Variants in SPC24 observed in about 807,000 individuals in gnomAD.
SPC24 encodes SPC24 component of NDC80 kinetochore complex, also known as kinetochore protein Spc24.
In SPC24, 31 loss-of-function variants were observed where a neutral mutation model predicts 27.6. The observed-to-expected ratio is 1.12, with a 90% CI of 0.84 to 1.52. The LOEUF (loss-of-function observed/expected upper bound fraction) is 1.52, where lower values mean the gene tolerates loss of function less well. SPC24 is among the 40% of genes most tolerant of loss of function. The probability of loss-of-function intolerance (pLI) is 0.00; values close to 1 mark genes in which losing one functional copy is unlikely to be tolerated. For missense variants in SPC24, 284 were observed against 252.5 expected (o/e 1.12, Z -0.84); for synonymous variants, 105 against 105.8 (o/e 0.99, Z 0.05).
chr19:11,147,367 C>CTT (rs112632133), intron 4 of SPC24, 78 bp from the exon 5 acceptor site: 390 of 795,160 alleles, frequency 4.9e-4, no homozygotes, highest in African/African-American at 1.5e-3. Context: ...ACTGCCTTTA[C>CTT]TTTTTTTTTT....
At position 11,147,908 on chromosome 19, in the gene SPC24, CAAAAAAAAAAAAAA is replaced by C. The variant is rs58845884; in HGVS notation, c.411-28_411-15del. 6 of 1,110,320 alleles carry C rather than the reference CAAAAAAAAAAAAAA, an allele frequency of 5.4e-6. No homozygotes were observed. The Admixed American group carries it at 1.9e-4, about 36-fold the overall frequency. 68.8% of individuals were successfully genotyped at this position (1,110,320 alleles called of 1,614,324 possible). Reference sequence around the variant, plus strand: ...TGAGCCACGTACCTGTACAGGAAGACAAAAAAAAAAAAAAAAAAAAAAGAAAGTTACCCAGCACC... The same window carrying C: ...TGAGCCACGTACCTGTACAGGAAGACAAAAAAAAGAAAGTTACCCAGCACC... On this transcript the variant is annotated splice_polypyrimidine_tract_variant and intron_variant, in intron 3 of 4. Coordinates refer to ENST00000592540, the MANE Select transcript of SPC24 (RefSeq NM_182513.4).
At position 11,147,104 on chromosome 19, in the gene SPC24, T is replaced by C. The variant is rs10422949; in HGVS notation, c.*79A>G. On this transcript the variant is annotated 3_prime_UTR_variant, in exon 5 of 5. Coordinates refer to ENST00000592540, the MANE Select transcript of SPC24 (RefSeq NM_182513.4). ...TCAAAAAAAAAAAAAAAAAGATCTA[T>C]GTCCCCACATTTCATTTGAAATGGA... The C allele has an allele frequency of 0.1, 71,586 of 701,626 alleles. 5,221 individuals are homozygous for C. The highest frequency in any genetic ancestry group is 0.27 in the African/African-American group (14,047 of 52,990). The allele number at this position is 701,626 out of a possible 1,614,324, so 43.5% of individuals were successfully genotyped here. A position where few individuals can be genotyped will look rare whatever the true frequency, so the allele number is the denominator to read the frequency against.
intron 1 of SPC24, among the ~76,000 whole-genome samples, chr19:11,154,919 C>T (rs531912977): frequency 6.6e-6 from 1 of 152,314 alleles, no homozygotes; most frequent in Non-Finnish European, 1.5e-5. Context: ...GACACAGTGG[C>T]TCACGTCTGC....
rs1293407794 is a variant in SPC24, at chr19:11,148,171, A to AT, written c.306-55_306-54insA. 3.2e-6 allele frequency: 4 copies of AT among 1,252,278 alleles called. No individual in the cohort carries two copies. In the African/African-American group the frequency reaches 5.9e-5, roughly 19 times the overall value. The allele number at this position is 1,252,278 out of a possible 1,614,324, so 77.6% of individuals were successfully genotyped here. ...TTCGAGAGAGGGCTGCCCCTGCGCT[A>AT]ACTGCAGCTGGGAGGCCCAGGGTCT... On this transcript the variant is annotated intron_variant, in intron 2 of 4. Transcript: ENST00000592540.
At chr19:11,149,261 C>A (rs1228962251) in intron 1 of SPC24, 23 bp from the exon 2 acceptor site, 1 of 1,495,432 alleles carries the variant, frequency 6.7e-7, no homozygotes, top group Non-Finnish European at 8.9e-7. Context: ...GAGAAGCAGG[C>A]TCCCTAGGGT....
At position 11,149,188 on chromosome 19, in the gene SPC24, C is replaced by T; in HGVS notation, c.211G>A (p.Glu71Lys). ...TCCACGCCTCCCTGGTGCACCTGCTCCTTCGCATTGAGAAGGCTCTGGGCC... is the reference window on the plus strand; with the variant it reads ...TCCACGCCTCCCTGGTGCACCTGCTTCTTCGCATTGAGAAGGCTCTGGGCC... ...EVAQSLLNAK[E>K]QVHQGGVELQ... Residue 71 changes from glutamate to lysine, a missense_variant, in exon 2 of 5, where the codon GAG becomes AAG. Glu to Lys is a moderately conservative substitution (Grantham distance 56, BLOSUM62 1). Transcript: ENST00000592540. 6.4e-7 allele frequency: 1 copy of T among 1,550,900 alleles called. No individual in the cohort carries two copies. The highest frequency in any genetic ancestry group is 1.2e-5 in the South Asian group (1 of 83,964).
Position 11,146,465 on chromosome 19 carries a change from T to TAAAAAAAACAAAAAA in SPC24, c.*717_*718insTTTTTTGTTTTTTTT, listed in dbSNP as rs2077823906. The stretch of plus-strand genomic sequence containing the variant: ...AAAATCAGGAGAAAAAGAAATCCAG[T>TAAAAAAAACAAAAAA]AAAAAAAAAAAAAAAAAAGGCCAGG... On this transcript the variant is annotated 3_prime_UTR_variant, in exon 5 of 5. Transcript: ENST00000592540. 2.3e-5 allele frequency: 1 copy of TAAAAAAAACAAAAAA among 43,072 alleles called. No homozygotes were observed. The highest frequency in any genetic ancestry group is 1.5e-3 in the East Asian group (1 of 666). 2.7% of individuals were successfully genotyped at this position (43,072 alleles called of 1,614,324 possible). A position where few individuals can be genotyped will look rare whatever the true frequency, so the allele number is the denominator to read the frequency against.
chr19:11,152,779 G>GAGGAGGGA (rs1168231628), intron 1 of SPC24, among the ~76,000 whole-genome samples: 2 of 152,044 alleles, frequency 1.3e-5, no homozygotes, highest in Non-Finnish European at 2.9e-5. Flanking sequence ...GTGGAAGAAG[G>GAGGAGGGA]AGGAGGGAAG....
At position 11,155,678 on chromosome 19, in the gene SPC24, G is replaced by T; in HGVS notation, c.99C>A (p.Arg33=). The T allele has an allele frequency of 6.4e-7, 1 of 1,559,414 alleles. No individual in the cohort carries two copies. Among genetic ancestry groups the T allele is most frequent in the Non-Finnish European group, 8.6e-7 (1 of 1,159,784 alleles). ...AEAQQRRLLG[R]HEQVVERLLE... is the part of the protein sequence containing the mutation. ...GCAGCCGCTCCACCACCTGCTCGTG[G>T]CGCCCCAGCAGCCGTCGCTGCTGCG... The change falls in exon 1 of 5, where the codon CGC becomes CGA. Residue 33 remains arginine, a synonymous_variant. Transcript: ENST00000592540.
In SPC24 at chr19:11,155,777, G is replaced by A. The variant is rs1217628512; in HGVS notation, c.-1C>T. The A allele has an allele frequency of 7.2e-6, 11 of 1,531,890 alleles. No individual in the cohort carries two copies. The South Asian group carries it at 1.1e-4, about 15-fold the overall frequency. 94.9% of individuals were successfully genotyped at this position (1,531,890 alleles called of 1,614,324 possible). A position where few individuals can be genotyped will look rare whatever the true frequency, so the allele number is the denominator to read the frequency against. On this transcript the variant is annotated 5_prime_UTR_variant, in exon 1 of 5. Coordinates refer to ENST00000592540, the MANE Select transcript of SPC24 (RefSeq NM_182513.4). The stretch of plus-strand genomic sequence containing the variant: ...CCTCTATGTCGCGGAAGGCGGCCAT[G>A]ACTACGCCAGGCTCCAACCCGCGCA...
intron 4 of SPC24, 27 bp from the exon 5 acceptor site, chr19:11,147,316 G>T (rs139615751): frequency 6.8e-7 from 1 of 1,478,130 alleles, no homozygotes; most frequent in Non-Finnish European, 9.2e-7. Flanking sequence ...AGGAAAGCCC[G>T]GGACACACAG....
intron 1 of SPC24, 200 bp from the exon 2 acceptor site, chr19:11,149,438 T>C (rs893438167): frequency 2.5e-6 from 1 of 403,988 alleles, no homozygotes. Context: ...AGCCTCGTCC[T>C]TCACACACCT....
At chr19:11,148,248 C>G in intron 2 of SPC24, 131 bp from the exon 3 acceptor site, 2 of 651,904 alleles carry the variant, frequency 3.1e-6, no homozygotes, top group Non-Finnish European at 5.3e-6. Context: ...TGCTTTGTCA[C>G]CCAGGCTGGA....
Position 11,147,908 on chromosome 19 carries a change from C to CAGAAAAAA in SPC24, c.411-15_411-14insTTTTTTCT. ...TGAGCCACGTACCTGTACAGGAAGA[C>CAGAAAAAA]AAAAAAAAAAAAAAAAAAAAAAGAA... is the stretch of plus-strand genomic sequence containing the variant. On this transcript the variant is annotated splice_polypyrimidine_tract_variant and intron_variant, in intron 3 of 4. Transcript: ENST00000592540. 9.0e-7 allele frequency: 1 copy of CAGAAAAAA among 1,110,318 alleles called. No homozygotes were observed. Among genetic ancestry groups the CAGAAAAAA allele is most frequent in the South Asian group, 1.6e-5 (1 of 61,434 alleles). The allele number at this position is 1,110,318 out of a possible 1,614,324, so 68.8% of individuals were successfully genotyped here. A position where few individuals can be genotyped will look rare whatever the true frequency, so the allele number is the denominator to read the frequency against.
intron 1 of SPC24, among the ~76,000 whole-genome samples, chr19:11,150,058 G>T (rs1228989874): frequency 1.3e-5 from 2 of 151,334 alleles, no homozygotes; most frequent in Non-Finnish European, 2.9e-5. Flanking sequence ...GTGGTGGCAG[G>T]CGCCTGTAAT....
intron 1 of SPC24, among the ~76,000 whole-genome samples, chr19:11,152,790 G>A (rs2077882111): frequency 6.6e-6 from 1 of 152,054 alleles, no homozygotes; most frequent in Admixed American, 6.6e-5. Context: ...AGGAGGGAAG[G>A]AGGGAAGAGC....
Position 11,147,097 on chromosome 19 carries a change from A to C in SPC24, c.*86T>G. The C allele has an allele frequency of 1.3e-6, 1 of 742,584 alleles. No homozygotes were observed. Among genetic ancestry groups the C allele is most frequent in the South Asian group, 2.0e-5 (1 of 50,220 alleles). The allele number at this position is 742,584 out of a possible 1,614,324, so 46.0% of individuals were successfully genotyped here. A position where few individuals can be genotyped will look rare whatever the true frequency, so the allele number is the denominator to read the frequency against. On this transcript the variant is annotated 3_prime_UTR_variant, in exon 5 of 5. Transcript: ENST00000592540. ...CTCTGTCTCAAAAAAAAAAAAAAAA[A>C]GATCTATGTCCCCACATTTCATTTG...
chr19:11,150,889 C>T (rs547705065), intron 1 of SPC24, among the ~76,000 whole-genome samples: 3 of 152,066 alleles, frequency 2.0e-5, no homozygotes, highest in Admixed American at 6.6e-5. Context: ...CCAGGCCAGG[C>T]GCGGTGGCTC....
intron 4 of SPC24, 156 bp downstream of exon 4, chr19:11,147,662 G>A: frequency 1.5e-6 from 1 of 672,078 alleles, no homozygotes; most frequent in South Asian, 1.8e-5. Context: ...TCAAACTCCT[G>A]GCCTCAAGTG....
Sources: gnomAD v4.1 joint callset for allele counts (sites outside exome capture counted in the v4.1 genomes callset) on GRCh38, gnomAD v4.1.1 for gene constraint, MANE v1.5 for transcripts, NCBI Gene and HGNC (gene_info 2026-07-23, HGNC 2026-07-21) for gene names.